OR2L13: variants seen among roughly 807,000 people sequenced by gnomAD.
The protein encoded by OR2L13 is olfactory receptor family 2 subfamily L member 13.
In OR2L13, 14 loss-of-function variants were observed where a neutral mutation model predicts 15.3. That is an observed-to-expected ratio of 0.91 (90% CI 0.60 to 1.43). OR2L13 has a LOEUF of 1.43. OR2L13 is among the 40% of genes most tolerant of loss of function. The pLI is 0.00. For missense variants in OR2L13, 367 were observed against 387.9 expected (o/e 0.95, Z 0.45); for synonymous variants, 152 against 142.9 (o/e 1.06, Z -0.45).
At chr1:247,959,233 T>C in the OR2L13 span, among the ~76,000 whole-genome samples, 166 of 152,190 alleles carry the variant, frequency 1.1e-3, no homozygotes, top group Admixed American at 9.3e-3. Context: ...AAATTCTGGG[T>C]TGAAAATTCT....
chr1:248,092,943 G>C (rs112499749), upstream of OR2L13, among the ~76,000 whole-genome samples: 3,112 of 152,224 alleles, frequency 0.02, 108 homozygotes, highest in African/African-American at 0.07. Flanking sequence ...TTATGTTTCT[G>C]TGCAGATGAA....
the OR2L13 span, among the ~76,000 whole-genome samples, chr1:248,009,640 T>C: frequency 6.6e-6 from 1 of 152,020 alleles, no homozygotes; most frequent in Non-Finnish European, 1.5e-5. Context: ...TTCAGACAAT[T>C]GAAAAAGAGG....
chr1:248,012,254 C>A, the OR2L13 span, among the ~76,000 whole-genome samples: 1 of 152,110 alleles, frequency 6.6e-6, no homozygotes, highest in South Asian at 2.1e-4. Flanking sequence ...ATGTAAGGGA[C>A]TGCCACAGTG....
the OR2L13 span, among the ~76,000 whole-genome samples, chr1:248,025,693 C>G: frequency 6.7e-6 from 1 of 148,956 alleles, no homozygotes; most frequent in African/African-American, 2.6e-5. Flanking sequence ...AGACTTGGAA[C>G]CAACCCAAAT....
chr1:248,096,858 A>C (rs1473067499), upstream of OR2L13, among the ~76,000 whole-genome samples: 1 of 152,220 alleles, frequency 6.6e-6, no homozygotes, highest in Non-Finnish European at 1.5e-5. Flanking sequence ...TATCTGAGGA[A>C]TAAGTAGCCC....
At chr1:248,054,149 G>T in the OR2L13 span, among the ~76,000 whole-genome samples, 2 of 152,156 alleles carry the variant, frequency 1.3e-5, no homozygotes, top group African/African-American at 4.8e-5. Context: ...GTGTAAGGAA[G>T]GAATCCAGTT....
the OR2L13 span, chr1:247,966,187 G>C: frequency 1.5e-5 from 24 of 1,614,014 alleles, no homozygotes; most frequent in Admixed American, 1.7e-4. Context: ...CCCTTCACGG[G>C]ATAAGGCGGT....
chr1:247,941,190 T>G, the OR2L13 span, among the ~76,000 whole-genome samples: 5 of 152,220 alleles, frequency 3.3e-5, no homozygotes, highest in Non-Finnish European at 5.9e-5. Context: ...TTTCCTATTC[T>G]GTAGGTTGGC....
At chr1:248,061,659 A>G in the OR2L13 span, 2 of 1,527,398 alleles carry the variant, frequency 1.3e-6, no homozygotes, top group Non-Finnish European at 1.8e-6. Flanking sequence ...TCAGATACAC[A>G]TCCATCCAGC....
At chr1:248,002,774 C>T in the OR2L13 span, among the ~76,000 whole-genome samples, 15 of 151,026 alleles carry the variant, frequency 9.9e-5, no homozygotes, top group East Asian at 1.2e-3. Flanking sequence ...AGGAGAATGG[C>T]GGGAACCCGG....
chr1:248,036,147 A>G, the OR2L13 span, among the ~76,000 whole-genome samples: 3 of 152,014 alleles, frequency 2.0e-5, no homozygotes, highest in Non-Finnish European at 2.9e-5. Context: ...TATTGAGTTT[A>G]TTATTATTTG....
the OR2L13 span, among the ~76,000 whole-genome samples, chr1:248,070,645 T>C: frequency 2.0e-5 from 3 of 151,706 alleles, no homozygotes; most frequent in East Asian, 5.8e-4. Flanking sequence ...CTGAAGGAAA[T>C]AGAGACACAA....
chr1:248,095,608 T>TG, upstream of OR2L13, among the ~76,000 whole-genome samples: 1 of 49,762 alleles, frequency 2.0e-5, no homozygotes, highest in African/African-American at 9.4e-5. Context: ...AAGCTGCTGC[T>TG]TTTTTTTTTT....
chr1:248,028,140 C>CAA, the OR2L13 span, among the ~76,000 whole-genome samples: 2,299 of 37,760 alleles, frequency 0.061, 292 homozygotes, highest in East Asian at 0.12. Context: ...GATTCCGTCT[C>CAA]AAAAAAAAAA....
At chr1:248,087,686 G>A in the OR2L13 span, among the ~76,000 whole-genome samples, 6 of 152,082 alleles carry the variant, frequency 3.9e-5, no homozygotes, top group African/African-American at 1.2e-4. Context: ...TATGCCACTT[G>A]GAAAGGTATA....
the OR2L13 span, among the ~76,000 whole-genome samples, chr1:247,997,899 T>C: frequency 6.6e-6 from 1 of 152,152 alleles, no homozygotes; most frequent in Admixed American, 6.5e-5. Flanking sequence ...GGATTCATGA[T>C]TGCTACTGAA....
At chr1:248,041,170 A>G in the OR2L13 span, 1 of 152,226 alleles carries the variant, frequency 6.6e-6, no homozygotes, top group Non-Finnish European at 1.5e-5. Flanking sequence ...AATATAGATC[A>G]ATGCAACAGA....
chr1:247,961,068 GCCAT>G, the OR2L13 span, among the ~76,000 whole-genome samples: 1 of 152,120 alleles, frequency 6.6e-6, no homozygotes, highest in Non-Finnish European at 1.5e-5. Flanking sequence ...TTCCTATTCG[GCCAT>G]CTTGGCTCCA....
chr1:247,943,600 G>A, the OR2L13 span, among the ~76,000 whole-genome samples: 1 of 152,186 alleles, frequency 6.6e-6, no homozygotes, highest in Admixed American at 6.5e-5. Context: ...CATAACCCCA[G>A]TGTAAATTGA....
Sources: allele counts gnomAD v4.1 joint callset (sites outside exome capture counted in the v4.1 genomes callset), GRCh38; gene constraint gnomAD v4.1.1; transcripts MANE v1.5; gene names NCBI Gene and HGNC (gene_info 2026-07-23, HGNC 2026-07-21).